PSD3: variants seen among roughly 807,000 people sequenced by gnomAD.
The protein encoded by PSD3 is pleckstrin and Sec7 domain containing 3.
Under a neutral mutation model 105.5 loss-of-function variants are expected in PSD3, and 49 were observed. The observed-to-expected ratio is 0.46, with a 90% CI of 0.37 to 0.59. The LOEUF (loss-of-function observed/expected upper bound fraction) is 0.59. Ranked by LOEUF, PSD3 falls within the 20% of genes least tolerant of loss-of-function variation. PSD3 has a pLI of 0.00. For synonymous variants in PSD3, 557 were observed against 457.8 expected (o/e 1.22, Z -2.77); for missense variants, 1,561 against 1,263.8 (o/e 1.24, Z -3.57).
intron 8 of PSD3, among the ~76,000 whole-genome samples, chr8:18,779,017 G>C (rs530449577): frequency 6.6e-6 from 1 of 152,170 alleles, no homozygotes; most frequent in African/African-American, 2.4e-5. Context: ...GGAATAGTTT[G>C]AGGAGAACTG....
intron 1 of PSD3, among the ~76,000 whole-genome samples, chr8:18,943,083 TG>T: frequency 6.6e-6 from 1 of 152,226 alleles, no homozygotes; most frequent in East Asian, 1.9e-4. Context: ...TTCCCAGCTG[TG>T]TACATGAGAA....
At chr8:18,581,195 G>C (rs1215457473) in intron 12 of PSD3, among the ~76,000 whole-genome samples, 3 of 152,046 alleles carry the variant, frequency 2.0e-5, no homozygotes, top group Non-Finnish European at 4.4e-5. Flanking sequence ...AACAGGAATG[G>C]AATCATTTTA....
intron 1 of PSD3, among the ~76,000 whole-genome samples, chr8:19,050,314 C>T (rs533266757): frequency 7.0e-4 from 106 of 150,408 alleles, no homozygotes; most frequent in African/African-American, 2.6e-3. Flanking sequence ...ATATCCCCGC[C>T]TGTCAAGGAT....
chr8:18,702,387 T>A (rs959020480), intron 9 of PSD3, among the ~76,000 whole-genome samples: 3 of 152,194 alleles, frequency 2.0e-5, no homozygotes, highest in African/African-American at 7.2e-5. Flanking sequence ...TGTTAGCACA[T>A]CTTTGGTAGC....
chr8:19,018,856 G>C (rs1827263752), intron 1 of PSD3, among the ~76,000 whole-genome samples: 1 of 152,154 alleles, frequency 6.6e-6, no homozygotes, highest in Non-Finnish European at 1.5e-5. Flanking sequence ...GAGTGCAGTG[G>C]CTCAATCTCA....
At chr8:19,009,303 G>A (rs1458738421) in intron 1 of PSD3, among the ~76,000 whole-genome samples, 1 of 152,186 alleles carries the variant, frequency 6.6e-6, no homozygotes, top group Admixed American at 6.5e-5. Flanking sequence ...GAGCCAAAGA[G>A]CTCAGTTTCT....
intron 9 of PSD3, among the ~76,000 whole-genome samples, chr8:18,717,628 T>G (rs1438222921): frequency 6.6e-6 from 1 of 152,216 alleles, no homozygotes; most frequent in Non-Finnish European, 1.5e-5. Context: ...AAATTTAATT[T>G]CTTTTACTTT....
chr8:19,001,685 T>C (rs1826408519), intron 1 of PSD3: 1 of 152,286 alleles, frequency 6.6e-6, no homozygotes, highest in African/African-American at 2.4e-5. Context: ...ATTCCTCCAG[T>C]GTCTTGGATC....
intron 11 of PSD3, among the ~76,000 whole-genome samples, chr8:18,618,297 A>G (rs1371868192): frequency 3.3e-5 from 5 of 151,330 alleles, no homozygotes; most frequent in African/African-American, 7.2e-5. Flanking sequence ...GTCTTTGCCT[A>G]TAACTTTGGT....
intron 2 of PSD3, among the ~76,000 whole-genome samples, chr8:18,904,338 T>G (rs1819700583): frequency 6.6e-6 from 1 of 152,200 alleles, no homozygotes; most frequent in South Asian, 2.1e-4. Context: ...GTGTGCACTC[T>G]GAACTTCAGA....
At chr8:18,731,074 G>A (rs980920315) in intron 9 of PSD3, among the ~76,000 whole-genome samples, 2 of 143,476 alleles carry the variant, frequency 1.4e-5, no homozygotes, top group Non-Finnish European at 3.1e-5. Flanking sequence ...TGGCCAACAT[G>A]GTAAAACCCT....
chr8:19,068,292 T>C (rs1586688690), intron 1 of PSD3, among the ~76,000 whole-genome samples: 3 of 151,890 alleles, frequency 2.0e-5, no homozygotes, highest in East Asian at 3.9e-4. Context: ...TCCTCCTCTT[T>C]TTTTTTTTTT....
chr8:19,047,003 G>A (rs1282892195), intron 1 of PSD3, among the ~76,000 whole-genome samples: 3 of 152,166 alleles, frequency 2.0e-5, no homozygotes, highest in Non-Finnish European at 2.9e-5. Flanking sequence ...GCAGCCCTGG[G>A]ACCAACAGCT....
At chr8:18,622,834 C>G (rs930621358) in intron 11 of PSD3, among the ~76,000 whole-genome samples, 3 of 152,098 alleles carry the variant, frequency 2.0e-5, no homozygotes, top group African/African-American at 7.2e-5. Context: ...CTCCCTGCTC[C>G]CTCTTAGTTC....
At chr8:18,991,413 C>A (rs1825800020) in intron 1 of PSD3, among the ~76,000 whole-genome samples, 1 of 148,890 alleles carries the variant, frequency 6.7e-6, no homozygotes. Context: ...CCTGAAACTC[C>A]CTGGGGAGGT....
chr8:18,981,789 T>TA (rs76212161), intron 1 of PSD3, among the ~76,000 whole-genome samples: 7 of 151,968 alleles, frequency 4.6e-5, no homozygotes, highest in South Asian at 2.1e-4. Flanking sequence ...ACTTTATTGC[T>TA]AAAAAAAATA....
intron 4 of PSD3, among the ~76,000 whole-genome samples, chr8:18,824,880 T>A (rs1813048615): frequency 6.6e-6 from 1 of 152,128 alleles, no homozygotes; most frequent in African/African-American, 2.4e-5. Flanking sequence ...TTTAGTCAAG[T>A]ATTTGAACAA....
At chr8:18,813,680 T>C (rs941193487) in intron 4 of PSD3, among the ~76,000 whole-genome samples, 1 of 152,216 alleles carries the variant, frequency 6.6e-6, no homozygotes, top group Non-Finnish European at 1.5e-5. Context: ...GAACTCCAGT[T>C]AGACCACCCA....
chr8:18,811,194 T>C (rs1190107020), intron 4 of PSD3, among the ~76,000 whole-genome samples: 5 of 152,202 alleles, frequency 3.3e-5, no homozygotes, highest in African/African-American at 1.2e-4. Flanking sequence ...GTCAGTCTTA[T>C]GAAACAGGCA....
Sources: gnomAD v4.1 joint callset for allele counts (sites outside exome capture counted in the v4.1 genomes callset) on GRCh38, gnomAD v4.1.1 for gene constraint, MANE v1.5 for transcripts, NCBI Gene and HGNC (gene_info 2026-07-23, HGNC 2026-07-21) for gene names.